ZW10: variants seen among roughly 807,000 people sequenced by gnomAD.
The protein encoded by ZW10 is zw10 kinetochore protein.
Under a neutral mutation model 87.8 loss-of-function variants are expected in ZW10, and 53 were observed. That is an observed-to-expected ratio of 0.60 (90% CI 0.48 to 0.76). ZW10 has a LOEUF of 0.76. ZW10 is among the 30% of genes least tolerant of loss of function. The pLI is 0.00. For missense variants in ZW10, 837 were observed against 923.0 expected (o/e 0.91, Z 1.21); for synonymous variants, 312 against 329.2 (o/e 0.95, Z 0.57).
Position 113,747,512 on chromosome 11 carries a change from T to G in ZW10, c.1272+19A>C. The G allele has an allele frequency of 6.2e-7, 1 of 1,600,102 alleles. No individual in the cohort carries two copies. The highest frequency in any genetic ancestry group is 8.5e-7 in the Non-Finnish European group (1 of 1,170,688). ...CTCATATACAATGTTTCATATACAA[T>G]GCAATATAACACTGGTACCTTCACA... On this transcript the variant is annotated intron_variant, in intron 9 of 15. Transcript: ENST00000200135.
chr11:113,754,382 G>A (rs1042313503), intron 7 of ZW10, among the ~76,000 whole-genome samples: 9 of 152,072 alleles, frequency 5.9e-5, no homozygotes, highest in Admixed American at 2.6e-4. Flanking sequence ...CTACTCAGGA[G>A]GCTGAGGCAC....
At chr11:113,755,199 G>T (rs1156580343) in intron 7 of ZW10, among the ~76,000 whole-genome samples, 1 of 152,136 alleles carries the variant, frequency 6.6e-6, no homozygotes, top group East Asian at 1.9e-4. Flanking sequence ...TCCTCTGATG[G>T]ATCTGAGCAA....
intron 10 of ZW10, 124 bp downstream of exon 10, chr11:113,743,678 G>C: frequency 2.5e-6 from 2 of 791,804 alleles, no homozygotes; most frequent in South Asian, 1.7e-5. Context: ...TTTGTTTCCA[G>C]AAAAAGCATT....
chr11:113,771,104 T>A (rs1238032393), intron 1 of ZW10, among the ~76,000 whole-genome samples: 1 of 150,950 alleles, frequency 6.6e-6, no homozygotes, highest in Admixed American at 6.6e-5. Flanking sequence ...GCCTCCAGAG[T>A]AGCTGGGATT....
At chr11:113,759,676 T>C (rs1370986342) in intron 5 of ZW10, among the ~76,000 whole-genome samples, 1 of 152,192 alleles carries the variant, frequency 6.6e-6, no homozygotes, top group Non-Finnish European at 1.5e-5. Flanking sequence ...GAAGTAATCC[T>C]ATTTCTTCAC....
At chr11:113,735,786 T>C (rs1019148843) in intron 15 of ZW10, among the ~76,000 whole-genome samples, 1 of 151,522 alleles carries the variant, frequency 6.6e-6, no homozygotes, top group Non-Finnish European at 1.5e-5. Context: ...ACTGATGGTG[T>C]TGAGAGAAAA....
intron 9 of ZW10, among the ~76,000 whole-genome samples, chr11:113,744,476 G>C (rs1953659666): frequency 6.6e-6 from 1 of 152,166 alleles, no homozygotes; most frequent in African/African-American, 2.4e-5. Context: ...CGGCTCTACA[G>C]AGTAATTAAA....
At position 113,734,661 on chromosome 11, in the gene ZW10, C is replaced by T. The variant is rs542598479; in HGVS notation, c.2220-847G>A. ...CTCTACTGAAAATACAAAAATTAGG[C>T]GGATGTGGTGATGGGCACCTTTAAT... On this transcript the variant is annotated intron_variant, in intron 15 of 15. Transcript: ENST00000200135. 2.4e-4 allele frequency among the ~76,000 whole-genome samples: 36 copies of T among 152,038 alleles called. 1 individual carries two copies. The South Asian group carries it at 5.0e-3, about 21-fold the overall frequency.
intron 2 of ZW10, among the ~76,000 whole-genome samples, chr11:113,765,017 G>A (rs2134895645): frequency 6.6e-6 from 1 of 152,300 alleles, no homozygotes; most frequent in East Asian, 1.9e-4. Context: ...AATGTCTGAA[G>A]ACATTGGCTG....
intron 5 of ZW10, among the ~76,000 whole-genome samples, chr11:113,759,661 G>T (rs2134889346): frequency 6.6e-6 from 1 of 152,226 alleles, no homozygotes; most frequent in African/African-American, 2.4e-5. Flanking sequence ...ATCAAAGCCA[G>T]GGCAGAAGTA....
At chr11:113,760,110 A>G (rs938430048) in intron 5 of ZW10, 99 bp downstream of exon 5, 28 of 1,371,640 alleles carry the variant, frequency 2.0e-5, no homozygotes, top group Non-Finnish European at 2.1e-5. Context: ...AAGATTATGA[A>G]TGAACCCTCA....
At chr11:113,752,414 G>T (rs1324349119) in intron 7 of ZW10, among the ~76,000 whole-genome samples, 1 of 152,056 alleles carries the variant, frequency 6.6e-6, no homozygotes, top group Non-Finnish European at 1.5e-5. Flanking sequence ...TCATTTTATT[G>T]TGTTTTGCTT....
intron 2 of ZW10, among the ~76,000 whole-genome samples, chr11:113,767,791 T>G (rs1953923989): frequency 6.6e-6 from 1 of 152,316 alleles, no homozygotes; most frequent in Non-Finnish European, 1.5e-5. Context: ...TAATTTCATC[T>G]TATGTCCCTT....
chr11:113,748,476 ATTCT>A (rs1953703834), intron 7 of ZW10, 56 bp from the exon 8 acceptor site: 2 of 1,433,844 alleles, frequency 1.4e-6, no homozygotes, highest in East Asian at 4.7e-5. Context: ...GTCCTGGAAT[ATTCT>A]TAGGTTTTCT....
chr11:113,745,612 T>C (rs1488784751), intron 9 of ZW10, among the ~76,000 whole-genome samples: 1 of 152,192 alleles, frequency 6.6e-6, no homozygotes, highest in Admixed American at 6.5e-5. Flanking sequence ...AAAATGCTAA[T>C]CTTTGTCTGA....
intron 7 of ZW10, among the ~76,000 whole-genome samples, chr11:113,756,215 G>A (rs765548599): frequency 3.3e-5 from 5 of 152,152 alleles, no homozygotes; most frequent in Non-Finnish European, 7.3e-5. Context: ...AAAAAGCCAT[G>A]CAAAGACACA....
intron 2 of ZW10, among the ~76,000 whole-genome samples, chr11:113,766,429 G>A (rs1006240859): frequency 9.2e-5 from 14 of 152,112 alleles, no homozygotes; most frequent in African/African-American, 3.4e-4. Context: ...CCAGCACTTT[G>A]GGAGGCCGAG....
intron 5 of ZW10, 41 bp from the exon 6 acceptor site, chr11:113,758,747 T>C (rs1402429549): frequency 1.9e-6 from 3 of 1,598,666 alleles, no homozygotes; most frequent in Non-Finnish European, 2.6e-6. Context: ...CTCACCAATA[T>C]GAGATGTTCC....
intron 10 of ZW10, among the ~76,000 whole-genome samples, chr11:113,742,883 C>T (rs768251182): frequency 9.9e-5 from 15 of 152,132 alleles, no homozygotes; most frequent in East Asian, 3.8e-4. Flanking sequence ...GGTTATCTCA[C>T]GATAAAAATT....
Sources: allele counts gnomAD v4.1 joint callset (sites outside exome capture counted in the v4.1 genomes callset), GRCh38; gene constraint gnomAD v4.1.1; transcripts MANE v1.5; gene names NCBI Gene and HGNC (gene_info 2026-07-23, HGNC 2026-07-21).